SERPINF1: variants seen among roughly 807,000 people sequenced by gnomAD.
SERPINF1 encodes the protein pigment epithelium-derived factor.
Under a neutral mutation model 37.3 loss-of-function variants are expected in SERPINF1, and 29 were observed. That is an observed-to-expected ratio of 0.78 (90% CI 0.58 to 1.06). The LOEUF (loss-of-function observed/expected upper bound fraction) is 1.06, where lower values mean the gene tolerates loss of function less well. SERPINF1 is among the 50% of genes least tolerant of loss of function. The pLI, the probability that SERPINF1 is intolerant of heterozygous loss-of-function variation, is 0.00. For synonymous variants in SERPINF1, 281 were observed against 227.9 expected (o/e 1.23, Z -2.10); for missense variants, 553 against 532.2 (o/e 1.04, Z -0.38).
At chr17:1,766,877 C>T in intron 1 of SERPINF1, 26 bp from the exon 2 acceptor site, 1 of 1,547,260 alleles carries the variant, frequency 6.5e-7, no homozygotes, top group Non-Finnish European at 8.7e-7. Context: ...GGGAGAGCGG[C>T]TTGCTGCCTC....
Position 1,776,630 on chromosome 17 carries a change from C to G in SERPINF1, c.885C>G (p.Ser295=), listed in dbSNP as rs373268645. Residue 295 remains serine, a synonymous_variant, in exon 7 of 8, where the codon TCC becomes TCG. Transcript: ENST00000254722. The stretch of plus-strand genomic sequence containing the variant: ...CCTTGATAGAGGAGAGCCTCACCTC[C>G]GAGTTCATTCATGACATAGACCGAG... ...NLTLIEESLT[S]EFIHDIDREL... The G allele has an allele frequency of 1.2e-6, 2 of 1,614,030 alleles. No homozygotes were observed. The highest frequency in any genetic ancestry group is 3.3e-5 in the Admixed American group (2 of 59,994).
At chr17:1,775,221 G>A in intron 6 of SERPINF1, 21 bp downstream of exon 6, 1 of 1,608,382 alleles carries the variant, frequency 6.2e-7, no homozygotes, top group Non-Finnish European at 8.5e-7. Context: ...ATAGGGGCAG[G>A]GTGGGGGGTG....
At position 1,775,174 on chromosome 17, in the gene SERPINF1, G is replaced by A. The variant is rs748147276; in HGVS notation, c.760G>A (p.Gly254Ser). Residue 254 changes from glycine to serine, a missense_variant, in exon 6 of 8, where the codon GGC (glycine) becomes AGC (serine). Transcript: ENST00000254722. ...MSDPKAVLRY[G>S]LDSDLSCKIA... ...GGACCCTAAGGCTGTTTTACGCTAT[G>A]GCTTGGATTCAGATCTCAGCTGCAA... is the stretch of plus-strand genomic sequence containing the variant. 1.2e-6 allele frequency: 2 copies of A among 1,613,922 alleles called. No homozygotes were observed. The highest frequency in any genetic ancestry group is 1.7e-5 in the Admixed American group (1 of 59,976).
chr17:1,764,807 G>T (rs145414209), intron 1 of SERPINF1, among the ~76,000 whole-genome samples: 2 of 152,054 alleles, frequency 1.3e-5, no homozygotes, highest in African/African-American at 4.8e-5. Flanking sequence ...GGCCAGGGCA[G>T]GGGAGACAAC....
Position 1,771,225 on chromosome 17 carries a change from G to A in SERPINF1, c.439+41G>A, listed in dbSNP as rs750319476. ...AGCCCAAGTTGCCTGAGGCATGTGG[G>A]CTCCATGCTGCAGGCTGGGGGGGTC... is the stretch of plus-strand genomic sequence containing the variant. On this transcript the variant is annotated intron_variant, in intron 4 of 7. Transcript: ENST00000254722. 21 of 1,603,708 alleles carry A rather than the reference G, an allele frequency of 1.3e-5. No individual in the cohort carries two copies. In the Admixed American group the frequency reaches 2.5e-4, roughly 19 times the overall value.
chr17:1,771,699 C>A, intron 4 of SERPINF1, 173 bp from the exon 5 acceptor site: 3 of 692,416 alleles, frequency 4.3e-6, no homozygotes, highest in Admixed American at 2.1e-5. Flanking sequence ...CTGCTGCCCC[C>A]CTGGCCAGTG....
chr17:1,769,731 AT>A, intron 2 of SERPINF1, 120 bp from the exon 3 acceptor site: 1 of 1,087,646 alleles, frequency 9.2e-7, no homozygotes, highest in East Asian at 2.4e-5. Context: ...ACACAGAAAA[AT>A]TAGGAAGGAC....
Position 1,771,051 on chromosome 17 carries a change from C to A in SERPINF1, c.306C>A (p.Ser102=). Residue 102 remains serine (S), a synonymous_variant, in exon 4 of 8, where the codon TCC becomes TCA. Coordinates refer to ENST00000254722, the MANE Select transcript of SERPINF1 (RefSeq NM_002615.7). ...LSLGAEQRTE[S]IIHRALYYDL... ...CAGGAGCGGAGCAGCGAACAGAATC[C>A]ATCATTCACCGGGCTCTCTACTATG... 1 of 1,614,058 alleles carries A rather than the reference C, an allele frequency of 6.2e-7. No individual in the cohort carries two copies. The highest frequency in any genetic ancestry group is 8.5e-7 in the Non-Finnish European group (1 of 1,179,984).
intron 2 of SERPINF1, among the ~76,000 whole-genome samples, chr17:1,768,738 A>T (rs976474704): frequency 6.6e-6 from 1 of 151,960 alleles, no homozygotes; most frequent in African/African-American, 2.4e-5. Flanking sequence ...CGGCCTGCCA[A>T]AGTGCTGGGA....
At chr17:1,773,567 C>G (rs922226147) in intron 5 of SERPINF1, among the ~76,000 whole-genome samples, 10 of 152,314 alleles carry the variant, frequency 6.6e-5, no homozygotes, top group African/African-American at 2.4e-4. Context: ...AGGTTTAAAT[C>G]CCAGCTCTGC....
At chr17:1,774,953 CCCTT>C (rs1202375619) in intron 5 of SERPINF1, 101 bp from the exon 6 acceptor site, 2 of 1,445,206 alleles carry the variant, frequency 1.4e-6, no homozygotes, top group Middle Eastern at 2.0e-4. Flanking sequence ...CAGCTAAGCT[CCCTT>C]GAGTGGGGCA....
chr17:1,767,062 C>A (rs1907432064), intron 2 of SERPINF1, 68 bp downstream of exon 2: 3 of 1,406,676 alleles, frequency 2.1e-6, no homozygotes, highest in Non-Finnish European at 2.9e-6. Context: ...GCACGGGAAA[C>A]AGGACAGGGA....
chr17:1,771,280 G>C (rs1232306202), intron 4 of SERPINF1, 96 bp downstream of exon 4: 267 of 1,289,722 alleles, frequency 2.1e-4, no homozygotes, highest in Non-Finnish European at 2.7e-4. Context: ...ACGGAGTCTC[G>C]CTCTGTTGCC....
At chr17:1,766,725 T>G in intron 1 of SERPINF1, 178 bp from the exon 2 acceptor site, 1 of 593,926 alleles carries the variant, frequency 1.7e-6, no homozygotes, top group South Asian at 2.0e-5. Context: ...GGATGGGCCA[T>G]CAAGCTGAGG....
At chr17:1,769,147 T>C (rs528118720) in intron 2 of SERPINF1, among the ~76,000 whole-genome samples, 98 of 151,474 alleles carry the variant, frequency 6.5e-4, no homozygotes, top group African/African-American at 2.2e-3. Flanking sequence ...CGGTGGCTCA[T>C]GCCTGTAATC....
intron 2 of SERPINF1, among the ~76,000 whole-genome samples, chr17:1,767,549 A>G (rs951032941): frequency 1.3e-5 from 2 of 152,174 alleles, no homozygotes; most frequent in African/African-American, 4.8e-5. Flanking sequence ...GAGTGAGGGT[A>G]TGGAGTGACC....
chr17:1,763,477 C>A (rs1003518875), intron 1 of SERPINF1, among the ~76,000 whole-genome samples: 6 of 152,202 alleles, frequency 3.9e-5, no homozygotes, highest in African/African-American at 1.4e-4. Flanking sequence ...GCCCTTTGGA[C>A]AGGATGGCAT....
rs1423694216 is a variant in SERPINF1, at chr17:1,769,854, C to A, written c.87C>A (p.Gly29=). ...CAAGACTTCCTGTCTCCTGCCAGGG[C>A]TCCCCAGACCCCGACAGCACAGGGG... ...CQNPASPPEE[G]SPDPDSTGAL... is the part of the protein sequence containing the mutation. Residue 29 remains glycine, a splice_region_variant and synonymous_variant, in exon 3 of 8, where the codon GGC becomes GGA. Transcript: ENST00000254722. 6.2e-7 allele frequency: 1 copy of A among 1,614,094 alleles called. No homozygotes were observed. The highest frequency in any genetic ancestry group is 1.3e-5 in the African/African-American group (1 of 74,948).
chr17:1,771,790 G>A (rs1907752666), intron 4 of SERPINF1, 82 bp from the exon 5 acceptor site: 1 of 1,419,514 alleles, frequency 7.0e-7, no homozygotes, highest in African/African-American at 1.4e-5. Flanking sequence ...CGCTAAACCA[G>A]AACCCGAGCC....
Sources: allele counts gnomAD v4.1 joint callset (sites outside exome capture counted in the v4.1 genomes callset), GRCh38; gene constraint gnomAD v4.1.1; transcripts MANE v1.5; gene names NCBI Gene and HGNC (gene_info 2026-07-23, HGNC 2026-07-21).